Variants in FAAP100 observed in about 807,000 individuals in gnomAD.
FAAP100 encodes the protein Fanconi anemia core complex-associated protein 100.
Under a neutral mutation model 65.8 loss-of-function variants are expected in FAAP100, and 46 were observed. The observed-to-expected ratio is 0.70, with a 90% CI of 0.55 to 0.89. The LOEUF is 0.89. Among genes scored for constraint, FAAP100 ranks in the 40% least tolerant of loss-of-function variants. FAAP100 has a pLI of 0.00. For synonymous variants in FAAP100, 663 were observed against 555.1 expected (o/e 1.19, Z -2.73); for missense variants, 1,165 against 1,196.7 (o/e 0.97, Z 0.39).
rs762259959 is a variant in FAAP100, at chr17:81,550,252, A to G, written c.1242T>C (p.His414=). The G allele has an allele frequency of 1.3e-6, 2 of 1,596,012 alleles. No individual in the cohort carries two copies. ...VVSLSASPRT[H]EGGTKLLALS... is the part of the protein sequence containing the mutation. ...ATTTTAGACAGCAGCTCATACCTTC[A>G]TGCGTCCTGGGAGACGCGGACAGCG... The change falls in exon 3 of 9, where the codon CAT becomes CAC. Residue 414 remains histidine, a synonymous_variant. Transcript: ENST00000327787.
Position 81,551,076 on chromosome 17 carries a change from G to T in FAAP100, c.418C>A (p.Leu140Met), listed in dbSNP as rs763742380. 1.3e-6 allele frequency: 2 copies of T among 1,583,788 alleles called. No individual in the cohort carries two copies. Among genetic ancestry groups the T allele is most frequent in the East Asian group, 2.3e-5 (1 of 43,014 alleles). The stretch of plus-strand genomic sequence containing the variant: ...GCAGGGCCCTGCACCAGGGTGACCA[G>T]CACACTGTCCAGCAAGGTGAACGCG... Reference protein sequence around the residue: ...LCAFTLLDSVLVTLVQGPARW... With the variant: ...LCAFTLLDSVMVTLVQGPARW... The change falls in exon 3 of 9, where the codon CTG becomes ATG. Residue 140 changes from leucine (L) to methionine (M), a missense_variant. Leu to Met is a conservative substitution (Grantham distance 15). Coordinates refer to ENST00000327787, the MANE Select transcript of FAAP100 (RefSeq NM_025161.6).
intron 7 of FAAP100, among the ~76,000 whole-genome samples, chr17:81,543,245 C>G (rs865998962): frequency 3.3e-5 from 5 of 152,126 alleles, no homozygotes; most frequent in South Asian, 2.1e-4. Flanking sequence ...GGCTGCAGGC[C>G]CTGGGTCTCA....
chr17:81,546,709 G>A (rs1315542623), intron 5 of FAAP100, among the ~76,000 whole-genome samples, 200 bp downstream of exon 5: 2 of 152,104 alleles, frequency 1.3e-5, no homozygotes, highest in African/African-American at 4.8e-5. Flanking sequence ...GGCCCGAGGT[G>A]GGTGGGGTGA....
At position 81,549,342 on chromosome 17, in the gene FAAP100, G is replaced by A. The variant is rs771745932; in HGVS notation, c.1267C>T (p.Leu423=). ...THEGGTKLLA[L]SAKGRLMTCS... is the part of the protein sequence containing the mutation. ...GTCATCAGGCGGCCTTTGGCGGACAGGGCCAGGAGCTTGGTGCCACCTGGT... is the reference window on the plus strand; with the variant it reads ...GTCATCAGGCGGCCTTTGGCGGACAAGGCCAGGAGCTTGGTGCCACCTGGT... The change falls in exon 4 of 9, where the codon CTG becomes TTG. Residue 423 remains leucine (L), a synonymous_variant. Transcript: ENST00000327787. 35 of 1,610,134 alleles carry A rather than the reference G, an allele frequency of 2.2e-5. No homozygotes were observed. Among genetic ancestry groups the A allele is most frequent in the Admixed American group, 1.0e-4 (6 of 59,926 alleles).
chr17:81,549,960 A>AC (rs2143959892), intron 3 of FAAP100, among the ~76,000 whole-genome samples: 1 of 151,968 alleles, frequency 6.6e-6, no homozygotes, highest in East Asian at 1.9e-4. Context: ...CTTGCGGTGG[A>AC]CCCCCAAGAT....
chr17:81,549,368 G>A lies in FAAP100; in HGVS notation c.1247-6C>T, dbSNP rs759540998. On this transcript the variant is annotated splice_polypyrimidine_tract_variant and splice_region_variant and intron_variant, in intron 3 of 8. Transcript: ENST00000327787. ...GGCCAGGAGCTTGGTGCCACCTGGT[G>A]ACAGACACACATGGGGCCTGGTCAG... The A allele has an allele frequency of 1.2e-6, 2 of 1,603,552 alleles. No homozygotes were observed. The highest frequency in any genetic ancestry group is 2.7e-5 in the African/African-American group (2 of 74,764).
chr17:81,541,067 GGAA>G lies in FAAP100; in HGVS notation c.2515-120_2515-118del, dbSNP rs567800862. ...ACTTGGGAAGTGGCAGGTGGTCCGAGGAAGAACACTCATCCGGAACCTTAAAAC... is the reference window on the plus strand; with the variant it reads ...ACTTGGGAAGTGGCAGGTGGTCCGAGGAACACTCATCCGGAACCTTAAAAC... On this transcript the variant is annotated intron_variant, in intron 8 of 8. Coordinates refer to ENST00000327787, the MANE Select transcript of FAAP100 (RefSeq NM_025161.6). 9.6e-4 allele frequency: 1,270 copies of G among 1,322,484 alleles called. 9 individuals are homozygous for G. The African/African-American group carries it at 0.017, about 17-fold the overall frequency. The allele number at this position is 1,322,484 out of a possible 1,614,324, so 81.9% of individuals were successfully genotyped here.
chr17:81,551,952 G>A lies in FAAP100; in HGVS notation c.266C>T (p.Ser89Leu). 2 of 1,563,868 alleles carry A rather than the reference G, an allele frequency of 1.3e-6. No individual in the cohort carries two copies. The highest frequency in any genetic ancestry group is 8.6e-7 in the Non-Finnish European group (1 of 1,163,950). The change falls in exon 2 of 9, where the codon TCG becomes TTG. Residue 89 changes from serine (S) to leucine (L), a missense_variant. Ser to Leu is a moderately radical substitution (Grantham distance 145). Transcript: ENST00000327787. ...CCTGCTCCTGCCCGGGTGGTCCAGC[G>A]ACAGGCAGTAGAGGCCCCTCCGGGC... is the stretch of plus-strand genomic sequence containing the variant. ...LCARRGLYCL[S>L]LDHPGRSRST... is the part of the protein sequence containing the mutation.
intron 3 of FAAP100, 30 bp from the exon 4 acceptor site, chr17:81,549,392 A>G: frequency 7.6e-6 from 12 of 1,581,256 alleles, no homozygotes; most frequent in Non-Finnish European, 1.0e-5. Flanking sequence ...GGGCCTGGTC[A>G]GCGGCTGGGA....
intron 6 of FAAP100, 102 bp downstream of exon 6, chr17:81,545,644 C>CA (rs2033271784): frequency 1.4e-6 from 2 of 1,423,918 alleles, no homozygotes; most frequent in Non-Finnish European, 9.4e-7. Flanking sequence ...AAAAGGCTGC[C>CA]AGGCCCCCAC....
At position 81,547,619 on chromosome 17, in the gene FAAP100, T is replaced by TA; in HGVS notation, c.1462_1463insT (p.Glu488ValfsTer101). On this transcript the variant is annotated frameshift_variant, in exon 5 of 9. Coordinates refer to ENST00000327787, the MANE Select transcript of FAAP100 (RefSeq NM_025161.6). LOFTEE classifies it high-confidence loss of function. ...CAGTGCACAGCTCACGTTCATGGCC[T>TA]CGTTGAGGCTTGTCAGTGCCTTGTT... 1 of 1,613,204 alleles carries TA rather than the reference T, an allele frequency of 6.2e-7. No individual in the cohort carries two copies. Among genetic ancestry groups the TA allele is most frequent in the Non-Finnish European group, 8.5e-7 (1 of 1,179,742 alleles).
Position 81,552,093 on chromosome 17 carries a change from G to A in FAAP100, c.166-41C>T, listed in dbSNP as rs577258243. ...CGGGTCAGGCCGACGCGACGCGCGG[G>A]CCCGCGGTCTTCATTTTCACGCGAA... On this transcript the variant is annotated intron_variant, in intron 1 of 8. Transcript: ENST00000327787. 8.8e-5 allele frequency: 128 copies of A among 1,458,446 alleles called. 2 individuals carry two copies. In the South Asian group the frequency reaches 1.5e-3, roughly 17 times the overall value. 90.3% of individuals were successfully genotyped at this position (1,458,446 alleles called of 1,614,324 possible). A position where few individuals can be genotyped will look rare whatever the true frequency, so the allele number is the denominator to read the frequency against.
chr17:81,547,036 A>G lies in FAAP100; in HGVS notation c.2046T>C (p.Thr682=), dbSNP rs1266882895. 6.4e-7 allele frequency: 1 copy of G among 1,555,394 alleles called. No individual in the cohort carries two copies. Among genetic ancestry groups the G allele is most frequent in the Non-Finnish European group, 8.7e-7 (1 of 1,150,618 alleles). The change falls in exon 5 of 9, where the codon ACT becomes ACC. Residue 682 remains threonine (T), a synonymous_variant. Transcript: ENST00000327787. ...TRDPVATFLE[T]CREPGSQPAG... is the part of the protein sequence containing the mutation. ...CTGGCTGGCTGCCAGGCTCCCGACA[A>G]GTTTCCAGAAAAGTGGCCACAGGGT... is the stretch of plus-strand genomic sequence containing the variant.
chr17:81,550,147 A>G, intron 3 of FAAP100, 101 bp downstream of exon 3: 3 of 1,196,876 alleles, frequency 2.5e-6, no homozygotes, highest in Non-Finnish European at 3.5e-6. Flanking sequence ...GCCTTGCAAA[A>G]GAACAAGCCC....
At chr17:81,546,810 C>A in intron 5 of FAAP100, 99 bp downstream of exon 5, 1 of 1,208,338 alleles carries the variant, frequency 8.3e-7, no homozygotes, top group Non-Finnish European at 1.1e-6. Flanking sequence ...GCCATGATTG[C>A]ACCACTGCAC....
At chr17:81,546,042 C>T (rs2033287633) in intron 5 of FAAP100, among the ~76,000 whole-genome samples, 160 bp from the exon 6 acceptor site, 1 of 152,234 alleles carries the variant, frequency 6.6e-6, no homozygotes, top group South Asian at 2.1e-4. Context: ...GCGGCGTGGC[C>T]AGCTGACCCA....
At position 81,545,805 on chromosome 17, in the gene FAAP100, G is replaced by C. The variant is rs1183361677; in HGVS notation, c.2251C>G (p.Leu751Val). 6.2e-7 allele frequency: 1 copy of C among 1,612,214 alleles called. No individual in the cohort carries two copies. The highest frequency in any genetic ancestry group is 8.5e-7 in the Non-Finnish European group (1 of 1,179,904). The change falls in exon 6 of 9, where the codon CTA (leucine) becomes GTA (valine). Residue 751 changes from leucine (L) to valine (V), a missense_variant. Leu to Val is a conservative substitution (Grantham distance 32, BLOSUM62 1). Coordinates refer to ENST00000327787, the MANE Select transcript of FAAP100 (RefSeq NM_025161.6). The part of the protein sequence containing the change: ...AAVDVVRARA[L>V]SSIQGVAPDG... ...GGGGCCACTCCCTGGATGGAAGATA[G>C]TGCTCGGGCCCTCACGACGTCCACA...
chr17:81,544,002 A>G lies in FAAP100; in HGVS notation c.2427+2T>C. On this transcript the variant is annotated splice_donor_variant, in intron 7 of 8. Coordinates refer to ENST00000327787, the MANE Select transcript of FAAP100 (RefSeq NM_025161.6). LOFTEE classifies it high-confidence loss of function. ...GCCACCTTCCCCAGCGGGCCGACATACCTGCATGCGCCCGACAACGGCATG... is the reference window on the plus strand; with the variant it reads ...GCCACCTTCCCCAGCGGGCCGACATGCCTGCATGCGCCCGACAACGGCATG... The G allele has an allele frequency of 1.4e-5, 22 of 1,610,344 alleles. No individual in the cohort carries two copies. Among genetic ancestry groups the G allele is most frequent in the Non-Finnish European group, 1.9e-5 (22 of 1,178,270 alleles).
At chr17:81,551,882 G>C in intron 2 of FAAP100, 46 bp downstream of exon 2, 1 of 1,504,430 alleles carries the variant, frequency 6.6e-7, no homozygotes, top group South Asian at 1.2e-5. Flanking sequence ...AAGCAGTCCG[G>C]GGGCAGCAGG....
Sources: gnomAD v4.1 joint callset for allele counts (sites outside exome capture counted in the v4.1 genomes callset) on GRCh38, gnomAD v4.1.1 for gene constraint, MANE v1.5 for transcripts, NCBI Gene and HGNC (gene_info 2026-07-23, HGNC 2026-07-21) for gene names.